DMD: variants seen among roughly 807,000 people sequenced by gnomAD.
The protein encoded by DMD is mutant dystrophin.
In DMD, 63 loss-of-function variants were observed where a neutral mutation model predicts 330.1. That is an observed-to-expected ratio of 0.19 (90% CI 0.16 to 0.24). The LOEUF (loss-of-function observed/expected upper bound fraction) is 0.24, where lower values mean the gene tolerates loss of function less well. DMD is among the 10% of genes least tolerant of loss of function. The pLI, the probability that DMD is intolerant of heterozygous loss-of-function variation, is 1.00. For missense variants in DMD, 3,344 were observed against 2,684.1 expected, an observed-to-expected ratio of 1.25 and a Z score of -5.43; for synonymous variants, 1,223 against 959.8, an observed-to-expected ratio of 1.27 and a Z score of -5.07.
chrX:31,703,312 C>T (rs893977160), intron 52 of DMD, among the ~76,000 whole-genome samples: 1 of 112,435 alleles, frequency 8.9e-6, no homozygotes, highest in Non-Finnish European at 1.9e-5. Context: ...TCCAGCTTTA[C>T]AGCTACACAG....
chrX:31,320,196 T>C (rs1475218592), intron 62 of DMD, among the ~76,000 whole-genome samples: 3 of 112,242 alleles, frequency 2.7e-5, no homozygotes, highest in Non-Finnish European at 5.6e-5. Context: ...ATCAAGGTTC[T>C]TAGCCTCATA....
At chrX:33,261,212 G>A (rs1329622459) in intron 1 of DMD, among the ~76,000 whole-genome samples, 2 of 110,851 alleles carry the variant, frequency 1.8e-5, no homozygotes, top group Non-Finnish European at 3.8e-5. Flanking sequence ...AATAAATAAC[G>A]GGAGATTAAA....
intron 25 of DMD, among the ~76,000 whole-genome samples, chrX:32,459,241 G>A (rs1435204225): frequency 9.0e-6 from 1 of 111,062 alleles, no homozygotes; most frequent in Non-Finnish European, 1.9e-5. Context: ...CATCTTGAAT[G>A]TGGTAATAAG....
chrX:31,841,985 G>A (rs762802010), intron 48 of DMD, among the ~76,000 whole-genome samples: 18 of 110,100 alleles, frequency 1.6e-4, no homozygotes, highest in Non-Finnish European at 2.7e-4. Context: ...TAAGGCTATA[G>A]CTGCCCTAGG....
intron 62 of DMD, among the ~76,000 whole-genome samples, chrX:31,293,218 T>TGTGTGTGTGTGTGTGTGTAGTCTGGTTTA (rs2053894792): frequency 5.2e-5 from 5 of 95,908 alleles, no homozygotes; most frequent in African/African-American, 1.3e-4. Context: ...TGTGTGTGTG[T>TGTGTGTGTGTGTGTGTGTAGTCTGGTTTA]GTGTGTGTGT....
At chrX:31,659,639 G>GA (rs869195395) in intron 53 of DMD, among the ~76,000 whole-genome samples, 899 of 39,813 alleles carry the variant, frequency 0.023, 81 homozygotes, top group African/African-American at 0.068. Flanking sequence ...CTCCATCTCG[G>GA]AAAAAAAAAA....
chrX:32,389,923 G>T (rs187085528), intron 31 of DMD, 148 bp downstream of exon 31: 1 of 539,308 alleles, frequency 1.9e-6, no homozygotes, highest in Non-Finnish European at 3.1e-6. Context: ...AAAATGTAGA[G>T]AGCAAAACAC....
chrX:31,928,525 G>T, intron 47 of DMD, among the ~76,000 whole-genome samples: 1 of 110,088 alleles, frequency 9.1e-6, no homozygotes. Flanking sequence ...AGAACCACTT[G>T]AACCTGGGAG....
intron 17 of DMD, among the ~76,000 whole-genome samples, chrX:32,530,456 T>C (rs2047373854): frequency 8.9e-6 from 1 of 112,413 alleles, no homozygotes; most frequent in Non-Finnish European, 1.9e-5. Context: ...CCTACCTTAA[T>C]TTGGTATTAA....
intron 2 of DMD, among the ~76,000 whole-genome samples, chrX:32,964,738 T>C (rs1008157136): frequency 9.0e-6 from 1 of 111,315 alleles, no homozygotes; most frequent in African/African-American, 3.3e-5. Context: ...AAACAAAAAG[T>C]TCTCTTTATA....
intron 52 of DMD, among the ~76,000 whole-genome samples, chrX:31,689,416 T>C (rs2082947475): frequency 9.0e-6 from 1 of 111,632 alleles, no homozygotes; most frequent in Non-Finnish European, 1.9e-5. Flanking sequence ...TTACAAGGGA[T>C]GTGAAGGACC....
At chrX:32,870,785 T>G (rs1347986464) in intron 2 of DMD, among the ~76,000 whole-genome samples, 1 of 109,715 alleles carries the variant, frequency 9.1e-6, no homozygotes, top group East Asian at 2.9e-4. Flanking sequence ...CAAGATGGAT[T>G]AAAGACTTAA....
chrX:31,679,282 C>T, intron 53 of DMD, 93 bp downstream of exon 53: 1 of 812,365 alleles, frequency 1.2e-6, no homozygotes, highest in South Asian at 2.3e-5. Flanking sequence ...CTGTTAATAA[C>T]TTTACATTAA....
At chrX:31,714,082 C>A (rs762937718) in intron 52 of DMD, among the ~76,000 whole-genome samples, 1 of 111,481 alleles carries the variant, frequency 9.0e-6, no homozygotes, top group South Asian at 3.7e-4. Context: ...TATTCTGTCT[C>A]TATTAGAAAA....
At chrX:32,196,582 T>C (rs1358228057) in intron 44 of DMD, among the ~76,000 whole-genome samples, 1 of 112,167 alleles carries the variant, frequency 8.9e-6, no homozygotes, top group African/African-American at 3.2e-5. Context: ...TTGAGTTGTC[T>C]TCATTATTTC....
intron 44 of DMD, among the ~76,000 whole-genome samples, chrX:32,090,781 G>T (rs2096469230): frequency 9.1e-6 from 1 of 110,367 alleles, no homozygotes; most frequent in Non-Finnish European, 1.9e-5. Flanking sequence ...TTTCTGCTGG[G>T]ACAATCCAAT....
At chrX:31,328,340 A>G in intron 61 of DMD, among the ~76,000 whole-genome samples, 1 of 111,104 alleles carries the variant, frequency 9.0e-6, no homozygotes, top group East Asian at 2.8e-4. Flanking sequence ...TATTGATATA[A>G]GTGTAAAGAG....
At chrX:31,726,243 T>C (rs908745286) in intron 52 of DMD, among the ~76,000 whole-genome samples, 5 of 112,265 alleles carry the variant, frequency 4.5e-5, no homozygotes, top group African/African-American at 1.6e-4. Flanking sequence ...TGGTGGTGGC[T>C]TGCACACCCA....
chrX:32,437,445 C>T (rs904855595), intron 29 of DMD, among the ~76,000 whole-genome samples: 3 of 108,145 alleles, frequency 2.8e-5, no homozygotes, highest in African/African-American at 1.1e-4. Flanking sequence ...TGGTTTCATG[C>T]ATACTACCCT....
Sources: gnomAD v4.1 joint callset for allele counts (sites outside exome capture counted in the v4.1 genomes callset) on GRCh38, gnomAD v4.1.1 for gene constraint, MANE v1.5 for transcripts, NCBI Gene and HGNC (gene_info 2026-07-23, HGNC 2026-07-21) for gene names.